STAT1: variants seen among roughly 807,000 people sequenced by gnomAD.
STAT1 encodes the protein signal transducer and activator of transcription 1-alpha/beta.
A neutral mutation model predicts 111.7 loss-of-function variants in STAT1; 24 were observed. The ratio of observed to expected loss-of-function variants is 0.21; its 90% CI spans 0.16 to 0.30. The LOEUF (loss-of-function observed/expected upper bound fraction) is 0.30. Ranked by LOEUF, STAT1 falls within the 10% of genes least tolerant of loss-of-function variation. The pLI is 1.00. For synonymous variants in STAT1, 332 were observed against 326.5 expected (o/e 1.02, Z -0.18); for missense variants, 351 against 911.9 (o/e 0.38, Z 7.92).
intron 10 of STAT1, chr2:190,992,848 G>C: frequency 3.1e-6 from 1 of 318,284 alleles, no homozygotes; most frequent in Non-Finnish European, 5.5e-6. Flanking sequence ...GGAGAGCAAT[G>C]GCGCAATCTC....
Position 190,984,460 on chromosome 2 carries a change from C to T in STAT1, c.1264-67G>A. On this transcript the variant is annotated intron_variant, in intron 15 of 24. Transcript: ENST00000361099. This position sits in a 1 kb window ranked among gnomAD's most constrained non-coding sequence, Gnocchi z 5.2. ...ACAGATCCTAAAACTTTCAAAAGCC[C>T]AATTAACATTGCAACAGGCCACAGA... The T allele has an allele frequency of 8.6e-6, 12 of 1,398,066 alleles. No homozygotes were observed. Among genetic ancestry groups the T allele is most frequent in the Non-Finnish European group, 1.2e-5 (12 of 991,872 alleles). The allele number at this position is 1,398,066 out of a possible 1,614,324, so 86.6% of individuals were successfully genotyped here.
In STAT1 at chr2:190,976,474, AACC is replaced by A; in HGVS notation, c.2059+363_2059+365del. ...GTAAGTAATTGGGCCACCCTAAATGAACCACTTCACTTCTCCCAGGCCTCAGTT... is the reference window on the plus strand; with the variant it reads ...GTAAGTAATTGGGCCACCCTAAATGAACTTCACTTCTCCCAGGCCTCAGTT... On this transcript the variant is annotated intron_variant, in intron 22 of 24. Transcript: ENST00000361099. This position sits in a 1 kb window ranked among gnomAD's most constrained non-coding sequence, Gnocchi z 6.0. Among the ~76,000 whole-genome samples the A allele has an allele frequency of 6.6e-6, 1 of 152,308 alleles. No homozygotes were observed. The highest frequency in any genetic ancestry group is 1.9e-4 in the East Asian group (1 of 5,190).
rs942032393 is a variant in STAT1 at position 190,997,051 on chromosome 2, T to A, written c.785+805A>T. ...AGCATGGTGCTGAGAACCTGCACCA[T>A]CAGGCTCCAGCATCTCCCACCGGGT... On this transcript the variant is annotated intron_variant, in intron 9 of 24. Transcript: ENST00000361099. The surrounding 1 kb of genome is among the most constrained non-coding windows in gnomAD (Gnocchi z 7.3). Among the ~76,000 whole-genome samples the A allele has an allele frequency of 6.6e-6, 1 of 152,190 alleles. No individual in the cohort carries two copies. The highest frequency in any genetic ancestry group is 1.5e-5 in the Non-Finnish European group (1 of 68,030).
At position 190,974,434 on chromosome 2, in the gene STAT1, GTCCC is replaced by G. The variant is rs1691740053; in HGVS notation, c.2238+392_2238+395del. On this transcript the variant is annotated intron_variant, in intron 24 of 24. Transcript: ENST00000361099. This position sits in a 1 kb window ranked among gnomAD's most constrained non-coding sequence, Gnocchi z 4.8. ...TAATTACTGTAACTACCAAGCGTTA[GTCCC>G]TCCCTTTCTAAAAATAACACTCCCT... Among the ~76,000 whole-genome samples, 1 of 152,150 alleles carries G rather than the reference GTCCC, an allele frequency of 6.6e-6. No individual in the cohort carries two copies. The highest frequency in any genetic ancestry group is 2.1e-4 in the South Asian group (1 of 4,830).
chr2:190,993,961 G>C lies in STAT1; in HGVS notation c.944+1100C>G, dbSNP rs761060343. Among the ~76,000 whole-genome samples the C allele has an allele frequency of 1.3e-5, 2 of 152,084 alleles. No individual in the cohort carries two copies. The highest frequency in any genetic ancestry group is 2.9e-5 in the Non-Finnish European group (2 of 68,000). ...CCTTCCAGAACTTTATGATATTCAA[G>C]AAATATAAAGAAATACATAACAACT... On this transcript the variant is annotated intron_variant, in intron 10 of 24. Transcript: ENST00000361099. The surrounding 1 kb of genome is among the most constrained non-coding windows in gnomAD (Gnocchi z 4.1).
At position 190,976,816 on chromosome 2, in the gene STAT1, T is replaced by C; in HGVS notation, c.2059+24A>G. 1.2e-6 allele frequency: 2 copies of C among 1,606,650 alleles called. No individual in the cohort carries two copies. The highest frequency in any genetic ancestry group is 2.2e-5 in the East Asian group (1 of 44,850). On this transcript the variant is annotated intron_variant, in intron 22 of 24. Coordinates refer to ENST00000361099, the MANE Select transcript of STAT1 (RefSeq NM_007315.4). The surrounding 1 kb of genome is among the most constrained non-coding windows in gnomAD (Gnocchi z 6.0). ...CATCAGGAAAGACTGTGCCACGCTG[T>C]TACCACCTGCTTGCCCCACTTACCT... is the stretch of plus-strand genomic sequence containing the variant.
chr2:191,009,203 A>G (rs1208965582), intron 3 of STAT1, 96 bp from the exon 4 acceptor site: 2 of 1,403,686 alleles, frequency 1.4e-6, no homozygotes, highest in Non-Finnish European at 2.0e-6. Context: ...AATTATTAAA[A>G]ATAATTTAAG....
In STAT1 at chr2:190,996,636, A is replaced by C. The variant is rs1693878477; in HGVS notation, c.785+1220T>G. On this transcript the variant is annotated intron_variant, in intron 9 of 24. Transcript: ENST00000361099. This position sits in a 1 kb window ranked among gnomAD's most constrained non-coding sequence, Gnocchi z 4.5. ...GGCACATGGGGTGCACTGGGCTCAG[A>C]AGCTCTGCTCTAACCCACAAGAAAT... Among the ~76,000 whole-genome samples the C allele has an allele frequency of 6.6e-6, 1 of 152,218 alleles. No individual in the cohort carries two copies. The highest frequency in any genetic ancestry group is 1.5e-5 in the Non-Finnish European group (1 of 68,022).
At position 190,995,331 on chromosome 2, in the gene STAT1, T is replaced by G. The variant is rs1693767043; in HGVS notation, c.786-112A>C. 9.2e-7 allele frequency: 1 copy of G among 1,082,464 alleles called. No individual in the cohort carries two copies. The highest frequency in any genetic ancestry group is 1.4e-6 in the Non-Finnish European group (1 of 710,246). The allele number at this position is 1,082,464 out of a possible 1,614,324, so 67.1% of individuals were successfully genotyped here. A position where few individuals can be genotyped will look rare whatever the true frequency, so the allele number is the denominator to read the frequency against. On this transcript the variant is annotated intron_variant, in intron 9 of 24. Transcript: ENST00000361099. This position sits in a 1 kb window ranked among gnomAD's most constrained non-coding sequence, Gnocchi z 4.2. ...TCTCATGCTGCTAATAAAGACATAC[T>G]CGAGACTGGAGAATTTATAAAGGAA... is the stretch of plus-strand genomic sequence containing the variant.
In STAT1 at chr2:190,986,751, C is replaced by A; in HGVS notation, c.1221+103G>T. On this transcript the variant is annotated intron_variant, in intron 14 of 24. Coordinates refer to ENST00000361099, the MANE Select transcript of STAT1 (RefSeq NM_007315.4). The surrounding 1 kb of genome is among the most constrained non-coding windows in gnomAD (Gnocchi z 5.0). ...CAGCCACAAAGTCTACAAACCCCAGCAGGGGGGCGTCCTCCACATGGCAAT... is the reference window on the plus strand; with the variant it reads ...CAGCCACAAAGTCTACAAACCCCAGAAGGGGGGCGTCCTCCACATGGCAAT... 8.7e-7 allele frequency: 1 copy of A among 1,146,838 alleles called. No homozygotes were observed. The highest frequency in any genetic ancestry group is 1.3e-6 in the Non-Finnish European group (1 of 756,996). 71.0% of individuals were successfully genotyped at this position (1,146,838 alleles called of 1,614,324 possible). A position where few individuals can be genotyped will look rare whatever the true frequency, so the allele number is the denominator to read the frequency against.
chr2:190,976,964 A>G lies in STAT1; in HGVS notation c.1935T>C (p.Pro645=), dbSNP rs1425757520. Residue 645 remains proline, a synonymous_variant, in exon 22 of 25, where the codon CCT becomes CCC. Coordinates refer to ENST00000361099, the MANE Select transcript of STAT1 (RefSeq NM_007315.4). This position sits in a 1 kb window ranked among gnomAD's most constrained non-coding sequence, Gnocchi z 6.0. ...TGACTTTGTAATTGCGAATGATGTC[A>G]GGGAAAGTAACAGCAGAAAGTTCTT... ...TKKELSAVTF[P]DIIRNYKVMA... 1 of 1,614,256 alleles carries G rather than the reference A, an allele frequency of 6.2e-7. No homozygotes were observed. Among genetic ancestry groups the G allele is most frequent in the South Asian group, 1.1e-5 (1 of 91,084 alleles).
At position 191,007,455 on chromosome 2, in the gene STAT1, A is replaced by C; in HGVS notation, c.372+108T>G. The C allele has an allele frequency of 2.4e-6, 2 of 838,434 alleles. No individual in the cohort carries two copies. Among genetic ancestry groups the C allele is most frequent in the Non-Finnish European group, 1.9e-6 (1 of 514,260 alleles). 51.9% of individuals were successfully genotyped at this position (838,434 alleles called of 1,614,324 possible). A position where few individuals can be genotyped will look rare whatever the true frequency, so the allele number is the denominator to read the frequency against. On this transcript the variant is annotated intron_variant, in intron 5 of 24. Transcript: ENST00000361099. The surrounding 1 kb of genome is among the most constrained non-coding windows in gnomAD (Gnocchi z 4.2). ...GATTCTCCCACTTCTTGGGGCTATA[A>C]AATTAGAGAGATATTCATCATTGCT...
rs996568424 is a variant in STAT1, at chr2:190,999,218, C to T, written c.541+408G>A. Among the ~76,000 whole-genome samples, 5 of 152,216 alleles carry T rather than the reference C, an allele frequency of 3.3e-5. No homozygotes were observed. Among genetic ancestry groups the T allele is most frequent in the African/African-American group, 7.2e-5 (3 of 41,452 alleles). ...GAGATATTAGGGCAGGGGAACTCCACATATCTATCGCTCTGTGTCAGTCAG... is the reference window on the plus strand; with the variant it reads ...GAGATATTAGGGCAGGGGAACTCCATATATCTATCGCTCTGTGTCAGTCAG... On this transcript the variant is annotated intron_variant, in intron 7 of 24. Transcript: ENST00000361099. The surrounding 1 kb of genome is among the most constrained non-coding windows in gnomAD (Gnocchi z 4.1).
chr2:191,009,660 T>A (rs747775648), intron 3 of STAT1, among the ~76,000 whole-genome samples: 8 of 152,256 alleles, frequency 5.3e-5, no homozygotes, highest in Non-Finnish European at 1.0e-4. Context: ...CAAAACTGTA[T>A]AAAAGTGCTT....
Position 190,995,339 on chromosome 2 carries a change from G to A in STAT1, c.786-120C>T. On this transcript the variant is annotated intron_variant, in intron 9 of 24. Transcript: ENST00000361099. This position sits in a 1 kb window ranked among gnomAD's most constrained non-coding sequence, Gnocchi z 4.2. ...TGCTAATAAAGACATACTCGAGACT[G>A]GAGAATTTATAAAGGAAAGAGGTTT... 3.9e-6 allele frequency: 4 copies of A among 1,035,566 alleles called. No individual in the cohort carries two copies. Among genetic ancestry groups the A allele is most frequent in the Admixed American group, 1.8e-5 (1 of 55,980 alleles). The allele number at this position is 1,035,566 out of a possible 1,614,324, so 64.1% of individuals were successfully genotyped here.
Position 190,970,455 on chromosome 2 carries a change from C to T in STAT1, c.*248G>A. On this transcript the variant is annotated 3_prime_UTR_variant, in exon 25 of 25. Transcript: ENST00000361099. The surrounding 1 kb of genome is among the most constrained non-coding windows in gnomAD (Gnocchi z 5.4). ...ACTTTGGGTGTATCTGGATGTTTTTCACTTGTGAAACCCACTCTTCAGAGA... is the reference window on the plus strand; with the variant it reads ...ACTTTGGGTGTATCTGGATGTTTTTTACTTGTGAAACCCACTCTTCAGAGA... 1 of 564,388 alleles carries T rather than the reference C, an allele frequency of 1.8e-6. No individual in the cohort carries two copies. Among genetic ancestry groups the T allele is most frequent in the Admixed American group, 2.9e-5 (1 of 34,158 alleles). The allele number at this position is 564,388 out of a possible 1,614,324, so 35.0% of individuals were successfully genotyped here. A position where few individuals can be genotyped will look rare whatever the true frequency, so the allele number is the denominator to read the frequency against.
rs942611808 is a variant in STAT1 at position 190,997,828 on chromosome 2, G to C, written c.785+28C>G. The C allele has an allele frequency of 6.2e-7, 1 of 1,613,822 alleles. No individual in the cohort carries two copies. The highest frequency in any genetic ancestry group is 8.5e-7 in the Non-Finnish European group (1 of 1,180,020). ...TGTTTATGTGGTTAGCCAGTCAGCT[G>C]CCAGTTTTCTGCTTTGGAGAATCTT... On this transcript the variant is annotated intron_variant, in intron 9 of 24. Transcript: ENST00000361099. This position sits in a 1 kb window ranked among gnomAD's most constrained non-coding sequence, Gnocchi z 7.3.
In STAT1 at chr2:190,997,840, C is replaced by T; in HGVS notation, c.785+16G>A. The T allele has an allele frequency of 2.5e-6, 4 of 1,614,130 alleles. No homozygotes were observed. The highest frequency in any genetic ancestry group is 3.4e-6 in the Non-Finnish European group (4 of 1,180,040). On this transcript the variant is annotated intron_variant, in intron 9 of 24. Coordinates refer to ENST00000361099, the MANE Select transcript of STAT1 (RefSeq NM_007315.4). The surrounding 1 kb of genome is among the most constrained non-coding windows in gnomAD (Gnocchi z 7.3). ...TAGCCAGTCAGCTGCCAGTTTTCTG[C>T]TTTGGAGAATCTTACCAGTTCTGCA...
Position 190,998,354 on chromosome 2 carries a change from C to T in STAT1, c.542-46G>A, listed in dbSNP as rs200507126. The T allele has an allele frequency of 1.4e-6, 2 of 1,418,544 alleles. No individual in the cohort carries two copies. The highest frequency in any genetic ancestry group is 2.3e-5 in the East Asian group (1 of 43,922). 87.9% of individuals were successfully genotyped at this position (1,418,544 alleles called of 1,614,324 possible). Reference sequence around the variant, plus strand: ...AGTAAATATATAAAGAAGACAAAACCAACAAAAGCCAAGATTCATATAAAT... The same window carrying T: ...AGTAAATATATAAAGAAGACAAAACTAACAAAAGCCAAGATTCATATAAAT... On this transcript the variant is annotated intron_variant, in intron 7 of 24. Transcript: ENST00000361099. The surrounding 1 kb of genome is among the most constrained non-coding windows in gnomAD (Gnocchi z 4.1).
Sources: allele counts gnomAD v4.1 joint callset (sites outside exome capture counted in the v4.1 genomes callset), GRCh38; gene constraint gnomAD v4.1.1; non-coding constraint Gnocchi (gnomAD v3.1); transcripts MANE v1.5; gene names NCBI Gene and HGNC (gene_info 2026-07-23, HGNC 2026-07-21).